The following SNX27 variants were observed in gnomAD, a reference collection of about 807,000 sequenced individuals.
SNX27 encodes sorting nexin 27.
Under a neutral mutation model 71.6 loss-of-function variants are expected in SNX27, and 22 were observed. The observed-to-expected ratio is 0.31, with a 90% CI of 0.22 to 0.44. The LOEUF is 0.44. Ranked by LOEUF, SNX27 falls within the 20% of genes least tolerant of loss-of-function variation. SNX27 has a pLI of 1.00. For synonymous variants in SNX27, 269 were observed against 277.2 expected (o/e 0.97, Z 0.29); for missense variants, 531 against 698.6 (o/e 0.76, Z 2.70).
rs536301608 is a variant in SNX27, at chr1:151,667,435, AC to A, written c.986-1035del. On this transcript the variant is annotated intron_variant, in intron 6 of 11. Coordinates refer to ENST00000458013, the MANE Select transcript of SNX27 (RefSeq NM_001330723.2). ...GGATTTTTGGAGGTGGGCGGAAAAA[AC>A]CTTTTGGCCTTAACAATAAAAGCAG... is the stretch of plus-strand genomic sequence containing the variant. 8.6e-5 allele frequency among the ~76,000 whole-genome samples: 13 copies of A among 151,994 alleles called. No individual in the cohort carries two copies. The South Asian group carries it at 2.5e-3, about 29-fold the overall frequency.
At position 151,612,273 on chromosome 1, in the gene SNX27, G is replaced by C; in HGVS notation, c.72G>C (p.Gly24=). 1 of 1,462,500 alleles carries C rather than the reference G, an allele frequency of 6.8e-7. No individual in the cohort carries two copies. The highest frequency in any genetic ancestry group is 9.0e-7 in the Non-Finnish European group (1 of 1,110,152). 90.6% of individuals were successfully genotyped at this position (1,462,500 alleles called of 1,614,324 possible). Residue 24 remains glycine, a synonymous_variant, in exon 1 of 12, where the codon GGG becomes GGC. Coordinates refer to ENST00000458013, the MANE Select transcript of SNX27 (RefSeq NM_001330723.2). The surrounding 1 kb of genome is among the most constrained non-coding windows in gnomAD (Gnocchi z 5.2). ...GGAACGGAGGTGGCGGCGGCGGCGG[G>C]GGGTCTGGGCTCCACTGCGCCGGGA... ...PHRNGGGGGG[G]GSGLHCAGNG...
At chr1:151,643,415 C>T (rs918984139) in intron 2 of SNX27, among the ~76,000 whole-genome samples, 4 of 151,804 alleles carry the variant, frequency 2.6e-5, no homozygotes, top group Non-Finnish European at 5.9e-5. Flanking sequence ...CTGCCTCAGC[C>T]TCCCCAGCAG....
chr1:151,677,506 T>C (rs948710523), intron 7 of SNX27: 1 of 152,230 alleles, frequency 6.6e-6, no homozygotes, highest in Admixed American at 6.5e-5. Context: ...ATCTGTTTTC[T>C]CATCTGTTAA....
intron 1 of SNX27, among the ~76,000 whole-genome samples, chr1:151,622,861 T>C (rs1667736415): frequency 6.6e-6 from 1 of 152,192 alleles, no homozygotes; most frequent in African/African-American, 2.4e-5. Flanking sequence ...CGATCACAGC[T>C]TACTGAAGCC....
chr1:151,612,118 T>C lies in SNX27; in HGVS notation c.-84T>C, dbSNP rs955110771. ...GCGGATCGGGCGCGCGCGTCGGGGG[T>C]CGTCCGGCTGCCAGGCAGGGCGAGC... On this transcript the variant is annotated 5_prime_UTR_variant, in exon 1 of 12. Coordinates refer to ENST00000458013, the MANE Select transcript of SNX27 (RefSeq NM_001330723.2). The surrounding 1 kb of genome is among the most constrained non-coding windows in gnomAD (Gnocchi z 5.2). 8.1e-7 allele frequency: 1 copy of C among 1,241,134 alleles called. No homozygotes were observed. The highest frequency in any genetic ancestry group is 1.0e-6 in the Non-Finnish European group (1 of 984,614). 76.9% of individuals were successfully genotyped at this position (1,241,134 alleles called of 1,614,324 possible).
rs151040912 is a variant in SNX27 at position 151,631,027 on chromosome 1, G to A, written c.312-7861G>A. Among the ~76,000 whole-genome samples, 21 of 152,142 alleles carry A rather than the reference G, an allele frequency of 1.4e-4. No individual in the cohort carries two copies. The East Asian group carries it at 2.9e-3, about 21-fold the overall frequency. On this transcript the variant is annotated intron_variant, in intron 1 of 11. Coordinates refer to ENST00000458013, the MANE Select transcript of SNX27 (RefSeq NM_001330723.2). ...AGCCTGGGCGACAGAGTGAGACTCC[G>A]TCTCAAAAAAAAGAATATTCTTCCA...
chr1:151,654,055 T>G (rs1669562487), intron 2 of SNX27, among the ~76,000 whole-genome samples: 1 of 152,100 alleles, frequency 6.6e-6, no homozygotes, highest in Admixed American at 6.5e-5. Flanking sequence ...ATAGTCTTGA[T>G]CTTTTGACCT....
At chr1:151,614,230 T>C (rs1667328264) in intron 1 of SNX27, 1 of 152,122 alleles carries the variant, frequency 6.6e-6, no homozygotes, top group African/African-American at 2.4e-5. Flanking sequence ...GGAGACAGTA[T>C]ACCTTTCCTC....
At chr1:151,656,486 T>C (rs1468594499) in intron 2 of SNX27, among the ~76,000 whole-genome samples, 2 of 152,194 alleles carry the variant, frequency 1.3e-5, no homozygotes, top group South Asian at 2.1e-4. Flanking sequence ...ACCAATTCCA[T>C]TGGCAAAATT....
intron 8 of SNX27, among the ~76,000 whole-genome samples, chr1:151,690,318 A>G (rs1019314283): frequency 1.3e-5 from 2 of 152,084 alleles, no homozygotes; most frequent in South Asian, 2.1e-4. Flanking sequence ...TTTTACTGTC[A>G]CTGACTTGAA....
chr1:151,645,435 A>G (rs1210621245), intron 2 of SNX27, among the ~76,000 whole-genome samples: 2 of 152,204 alleles, frequency 1.3e-5, no homozygotes, highest in African/African-American at 2.4e-5. Flanking sequence ...GTTCTGTAAT[A>G]TTCCTCTGAG....
chr1:151,639,907 G>A (rs1668649359), intron 2 of SNX27, among the ~76,000 whole-genome samples: 1 of 152,182 alleles, frequency 6.6e-6, no homozygotes, highest in South Asian at 2.1e-4. Flanking sequence ...ATTCTTAGTA[G>A]AAAATGCAGT....
intron 1 of SNX27, among the ~76,000 whole-genome samples, chr1:151,618,496 A>G (rs1213984151): frequency 6.6e-6 from 1 of 152,214 alleles, no homozygotes; most frequent in African/African-American, 2.4e-5. Flanking sequence ...AATATATTTT[A>G]TTAGTAGCAT....
In SNX27 at chr1:151,652,403, C is replaced by CTTT. The variant is rs993535169; in HGVS notation, c.544-5814_544-5812dup. 4.7e-4 allele frequency among the ~76,000 whole-genome samples: 62 copies of CTTT among 133,268 alleles called. 2 individuals carry two copies. Among genetic ancestry groups the CTTT allele is most frequent in the African/African-American group, 1.5e-3 (53 of 35,634 alleles). The allele number at this position is 133,268 out of a possible 152,430, so 87.4% of individuals were successfully genotyped here. A position where few individuals can be genotyped will look rare whatever the true frequency, so the allele number is the denominator to read the frequency against. On this transcript the variant is annotated intron_variant, in intron 2 of 11. Transcript: ENST00000458013. Reference sequence around the variant, plus strand: ...GAACTCTTCATTTTTGATACCACGCCTTTTTTTTTTTTTTTTTTTTCCTCA... The same window carrying CTTT: ...GAACTCTTCATTTTTGATACCACGCCTTTTTTTTTTTTTTTTTTTTTTTCCTCA...
chr1:151,617,536 G>A (rs898967124), intron 1 of SNX27, among the ~76,000 whole-genome samples: 3 of 152,044 alleles, frequency 2.0e-5, no homozygotes, highest in African/African-American at 4.8e-5. Context: ...AGCCCGCCTC[G>A]GCCTCCCAAA....
In SNX27 at chr1:151,694,539, G is replaced by T. The variant is rs1671616604; in HGVS notation, c.*122G>T. 1 of 986,198 alleles carries T rather than the reference G, an allele frequency of 1.0e-6. No individual in the cohort carries two copies. The highest frequency in any genetic ancestry group is 2.8e-5 in the East Asian group (1 of 35,254). The allele number at this position is 986,198 out of a possible 1,614,324, so 61.1% of individuals were successfully genotyped here. ...AAAGTTAAAGTCGTTATATTCAAAA[G>T]CCCTAAACTAAATATTATTAATAAC... On this transcript the variant is annotated 3_prime_UTR_variant, in exon 12 of 12. Transcript: ENST00000458013.
In SNX27 at chr1:151,675,576, G is replaced by C. The variant is rs187309260; in HGVS notation, c.1149+6941G>C. Reference sequence around the variant, plus strand: ...GTTTTGTTTTGTTTTGTTTTGAGATGGGTTTTCCCTATGTTGCTGGGGCTG... The same window carrying C: ...GTTTTGTTTTGTTTTGTTTTGAGATCGGTTTTCCCTATGTTGCTGGGGCTG... On this transcript the variant is annotated intron_variant, in intron 7 of 11. Transcript: ENST00000458013. Among the ~76,000 whole-genome samples, 938 of 151,452 alleles carry C rather than the reference G, an allele frequency of 6.2e-3. 11 individuals are homozygous for C. The highest frequency in any genetic ancestry group is 0.021 in the African/African-American group (871 of 41,290).
At chr1:151,681,057 T>C (rs1409970225) in intron 7 of SNX27, among the ~76,000 whole-genome samples, 1 of 152,110 alleles carries the variant, frequency 6.6e-6, no homozygotes, top group Non-Finnish European at 1.5e-5. Context: ...AAGAACTTAA[T>C]AGCTAAATGA....
chr1:151,639,603 A>G (rs1668634494), intron 2 of SNX27, among the ~76,000 whole-genome samples: 1 of 151,756 alleles, frequency 6.6e-6, no homozygotes, highest in African/African-American at 2.4e-5. Context: ...GTTCTTTTTC[A>G]TTTTCTTTGG....
Sources: allele counts gnomAD v4.1 joint callset (sites outside exome capture counted in the v4.1 genomes callset), GRCh38; gene constraint gnomAD v4.1.1; non-coding constraint Gnocchi (gnomAD v3.1); transcripts MANE v1.5; gene names NCBI Gene and HGNC (gene_info 2026-07-23, HGNC 2026-07-21).